Variants in COPS7B observed in about 807,000 individuals in gnomAD.
The protein encoded by COPS7B is COP9 signalosome complex subunit 7b.
A neutral mutation model predicts 33.4 loss-of-function variants in COPS7B; 9 were observed. The observed-to-expected ratio is 0.27, with a 90% CI of 0.16 to 0.47. The LOEUF is 0.47. Among genes scored for constraint, COPS7B ranks in the 20% least tolerant of loss-of-function variants. The probability of loss-of-function intolerance (pLI) is 0.99; values close to 1 mark genes in which losing one functional copy is unlikely to be tolerated. For missense variants in COPS7B, 242 were observed against 318.2 expected (o/e 0.76, Z 1.82); for synonymous variants, 119 against 126.3 (o/e 0.94, Z 0.39).
At chr2:231,806,247 C>T (rs2049890572) in intron 6 of COPS7B, among the ~76,000 whole-genome samples, 1 of 152,080 alleles carries the variant, frequency 6.6e-6, no homozygotes, top group Admixed American at 6.6e-5. Flanking sequence ...CTGACAACTC[C>T]TTTTCACTAT....
At chr2:231,800,970 A>C (rs2049727638) in intron 6 of COPS7B, among the ~76,000 whole-genome samples, 1 of 152,222 alleles carries the variant, frequency 6.6e-6, no homozygotes, top group Non-Finnish European at 1.5e-5. Context: ...GGCACACAGA[A>C]GATACTCACC....
chr2:231,796,281 A>G lies in COPS7B; in HGVS notation c.503A>G (p.Asn168Ser). 1 of 1,614,158 alleles carries G rather than the reference A, an allele frequency of 6.2e-7. No individual in the cohort carries two copies. Among genetic ancestry groups the G allele is most frequent in the Middle Eastern group, 1.7e-4 (1 of 6,040 alleles). Residue 168 changes from asparagine (N) to serine (S), a missense_variant, in exon 5 of 7, where the codon AAT (asparagine) becomes AGT (serine). Physicochemically the swap from Asn to Ser is conservative, Grantham distance 46. Transcript: ENST00000350033. The stretch of plus-strand genomic sequence containing the variant: ...CGTGACATCCGAAAGAAGGATATCA[A>G]TAATATTGTCAAGACCCTGCATGAA... ...IGRDIRKKDINNIVKTLHEWC... is the reference protein window; with the variant it reads ...IGRDIRKKDISNIVKTLHEWC...
In COPS7B at chr2:231,808,726, C is replaced by T. The variant is rs2049966384; in HGVS notation, c.*1081C>T. On this transcript the variant is annotated 3_prime_UTR_variant, in exon 7 of 7. Transcript: ENST00000350033. The stretch of plus-strand genomic sequence containing the variant: ...TACATTTCAACATGCTTTTGTCCCC[C>T]CTCGTGTCAATATTTGTTATAGACT... 1 of 172,910 alleles carries T rather than the reference C, an allele frequency of 5.8e-6. No individual in the cohort carries two copies. Among genetic ancestry groups the T allele is most frequent in the Non-Finnish European group, 1.1e-5 (1 of 87,334 alleles). The allele number at this position is 172,910 out of a possible 1,614,324, so 10.7% of individuals were successfully genotyped here. A position where few individuals can be genotyped will look rare whatever the true frequency, so the allele number is the denominator to read the frequency against.
chr2:231,809,211 A>C lies in COPS7B; in HGVS notation c.*1566A>C, dbSNP rs1295335101. 1 of 152,452 alleles carries C rather than the reference A, an allele frequency of 6.6e-6. No homozygotes were observed. Among genetic ancestry groups the C allele is most frequent in the Non-Finnish European group, 1.5e-5 (1 of 68,050 alleles). The allele number at this position is 152,452 out of a possible 1,614,324, so 9.4% of individuals were successfully genotyped here. ...CCCCCTGTCAGCTGCTCTGTGGAAA[A>C]GGGGTTCTGTTATGAAATAAATGTT... On this transcript the variant is annotated 3_prime_UTR_variant, in exon 7 of 7. Coordinates refer to ENST00000350033, the MANE Select transcript of COPS7B (RefSeq NM_022730.4).
intron 4 of COPS7B, 122 bp downstream of exon 4, chr2:231,794,473 T>C: frequency 4.0e-6 from 3 of 746,632 alleles, no homozygotes; most frequent in Middle Eastern, 5.6e-4. Flanking sequence ...AAAATTTGCT[T>C]GACAGAGGAA....
chr2:231,788,146 T>G (rs2049305655), intron 1 of COPS7B, among the ~76,000 whole-genome samples: 1 of 150,482 alleles, frequency 6.6e-6, no homozygotes, highest in Non-Finnish European at 1.5e-5. Context: ...GTTTTTTTTT[T>G]TTTTTTTTTT....
chr2:231,781,731 G>GGT, upstream of COPS7B: 1 of 1,044,634 alleles, frequency 9.6e-7, no homozygotes, highest in Non-Finnish European at 1.4e-6. Flanking sequence ...CGCGCAGTGT[G>GGT]CGCAAATTCA....
At chr2:231,787,765 C>G (rs756979794) in intron 1 of COPS7B, among the ~76,000 whole-genome samples, 2 of 152,148 alleles carry the variant, frequency 1.3e-5, no homozygotes, top group Non-Finnish European at 2.9e-5. Flanking sequence ...AGACATCTTT[C>G]TTGTCTGGTT....
chr2:231,785,223 G>T (rs79695915), upstream of COPS7B, among the ~76,000 whole-genome samples: 343 of 152,276 alleles, frequency 2.3e-3, no homozygotes, highest in African/African-American at 7.9e-3. Flanking sequence ...ACTCTAACAA[G>T]GCAATTATTC....
chr2:231,804,183 T>A (rs1423089580), intron 6 of COPS7B, among the ~76,000 whole-genome samples: 1 of 152,212 alleles, frequency 6.6e-6, no homozygotes, highest in Non-Finnish European at 1.5e-5. Context: ...ATGCAGGGGT[T>A]ATGAGACTGT....
intron 2 of COPS7B, chr2:231,791,056 A>G (rs2049402674): frequency 6.5e-6 from 1 of 154,388 alleles, no homozygotes; most frequent in Admixed American, 6.5e-5. Flanking sequence ...TGATTTAAAC[A>G]ACAACAACAA....
rs150126693 is a variant in COPS7B at position 231,801,940 on chromosome 2, A to G, written c.636+2976A>G. 1.9e-3 allele frequency among the ~76,000 whole-genome samples: 294 copies of G among 152,018 alleles called. 3 individuals are homozygous for G. Among genetic ancestry groups the G allele is most frequent in the African/African-American group, 6.6e-3 (274 of 41,458 alleles). On this transcript the variant is annotated intron_variant, in intron 6 of 6. Transcript: ENST00000350033. ...CAGGTGCCCGCCACCACGCCCAGCT[A>G]ATTTTTGTATTTTTAGTAGAGACGG...
chr2:231,789,177 C>T (rs1264261382), intron 2 of COPS7B: 1 of 158,358 alleles, frequency 6.3e-6, no homozygotes, highest in African/African-American at 2.4e-5. Flanking sequence ...AGGAAAAGGG[C>T]AGTGTTGTGC....
intron 3 of COPS7B, among the ~76,000 whole-genome samples, chr2:231,793,242 T>A (rs376469985): frequency 6.6e-6 from 1 of 152,190 alleles, no homozygotes; most frequent in African/African-American, 2.4e-5. Flanking sequence ...AAAGGTAATA[T>A]GATGCGCATG....
Position 231,807,608 on chromosome 2 carries a change from T to A in COPS7B, c.758T>A (p.Met253Lys), listed in dbSNP as rs1460739002. 1 of 1,567,970 alleles carries A rather than the reference T, an allele frequency of 6.4e-7. No homozygotes were observed. The highest frequency in any genetic ancestry group is 8.6e-7 in the Non-Finnish European group (1 of 1,156,902). ...GAGCAGAGGCAGCCCACCAAGAAGA[T>A]GTCCAAAGTGAAAGGTCTGGTCTCC... ...HAEQRQPTKK[M>K]SKVKGLVSSR... Residue 253 changes from methionine to lysine, a missense_variant, in exon 7 of 7, where the codon ATG becomes AAG. Transcript: ENST00000350033.
chr2:231,791,616 A>G (rs2049418926), intron 2 of COPS7B, 117 bp from the exon 3 acceptor site: 1 of 800,510 alleles, frequency 1.2e-6, no homozygotes, highest in Non-Finnish European at 2.1e-6. Context: ...AAGTAATCAA[A>G]TAGTACAGAA....
chr2:231,795,004 C>T (rs1353192115), intron 4 of COPS7B, among the ~76,000 whole-genome samples: 1 of 151,556 alleles, frequency 6.6e-6, no homozygotes, highest in East Asian at 1.9e-4. Flanking sequence ...ACTGCAACCT[C>T]CACCTCCTGG....
rs184863748 is a variant in COPS7B, at chr2:231,807,751, C to T, written c.*106C>T. 6.6e-6 allele frequency: 7 copies of T among 1,062,294 alleles called. No homozygotes were observed. The highest frequency in any genetic ancestry group is 5.8e-5 in the Admixed American group (2 of 34,370). The allele number at this position is 1,062,294 out of a possible 1,614,324, so 65.8% of individuals were successfully genotyped here. A position where few individuals can be genotyped will look rare whatever the true frequency, so the allele number is the denominator to read the frequency against. On this transcript the variant is annotated 3_prime_UTR_variant, in exon 7 of 7. Transcript: ENST00000350033. ...ACCTGCAGTGAGTTCCAGACCTGCCCGTCCCCTCACCAGCGCCTCCCCACC... is the reference window on the plus strand; with the variant it reads ...ACCTGCAGTGAGTTCCAGACCTGCCTGTCCCCTCACCAGCGCCTCCCCACC...
intron 6 of COPS7B, among the ~76,000 whole-genome samples, chr2:231,802,652 G>A (rs956253963): frequency 2.0e-5 from 3 of 152,196 alleles, no homozygotes; most frequent in Admixed American, 6.5e-5. Flanking sequence ...TGTGGAAGAG[G>A]AATTGGAATT....
Sources: gnomAD v4.1 joint callset for allele counts (sites outside exome capture counted in the v4.1 genomes callset) on GRCh38, gnomAD v4.1.1 for gene constraint, MANE v1.5 for transcripts, NCBI Gene and HGNC (gene_info 2026-07-23, HGNC 2026-07-21) for gene names.